The following ZNF385D variants were observed in gnomAD, a reference collection of about 807,000 sequenced individuals.
ZNF385D encodes zinc finger protein 659.
A neutral mutation model predicts 35.8 loss-of-function variants in ZNF385D; 15 were observed. The observed-to-expected ratio is 0.42, with a 90% confidence interval of 0.28 to 0.64. The LOEUF is 0.64. Among genes scored for constraint, ZNF385D ranks in the 30% least tolerant of loss-of-function variants. The pLI is 0.23. For missense variants in ZNF385D, 474 were observed against 494.6 expected (o/e 0.96, Z 0.39); for synonymous variants, 212 against 186.8 (o/e 1.13, Z -1.10).
In ZNF385D at chr3:21,917,141, TGGAA is replaced by T. The variant is rs1700227807; in HGVS notation, c.325+251672_325+251675del. Among the ~76,000 whole-genome samples the T allele has an allele frequency of 3.9e-5, 6 of 152,156 alleles. No homozygotes were observed. In the South Asian group the frequency reaches 1.2e-3, roughly 32 times the overall value. On this transcript the variant is annotated intron_variant, in intron 3 of 5. Coordinates refer to the ZNF385D transcript ENST00000494108. ...AAGATATTTTGGAGAAACAAAATCG[TGGAA>T]GTCTGGCCTGGTGCGGTGGCTCATG...
chr3:21,722,526 G>C (rs1253649663), intron 1 of ZNF385D, among the ~76,000 whole-genome samples: 1 of 152,204 alleles, frequency 6.6e-6, no homozygotes, highest in Non-Finnish European at 1.5e-5. Context: ...AGAGGAAGTT[G>C]CAAGTTGGTT....
chr3:21,583,570 A>C (rs2063726207), intron 2 of ZNF385D, among the ~76,000 whole-genome samples: 1 of 152,142 alleles, frequency 6.6e-6, no homozygotes, highest in Non-Finnish European at 1.5e-5. Context: ...TTAACATCAC[A>C]GCTCTAAATA....
At chr3:22,077,533 T>C (rs1559350990) in intron 3 of ZNF385D, among the ~76,000 whole-genome samples, 1 of 152,000 alleles carries the variant, frequency 6.6e-6, no homozygotes, top group Non-Finnish European at 1.5e-5. Flanking sequence ...TTCTTTTGTC[T>C]TAGCAAAGGC....
chr3:21,847,468 T>C (rs981119549), intron 3 of ZNF385D, among the ~76,000 whole-genome samples: 3 of 152,044 alleles, frequency 2.0e-5, no homozygotes, highest in African/African-American at 7.2e-5. Context: ...AATAGCAAAA[T>C]ATTCTAATGA....
In ZNF385D at chr3:21,421,246, C is replaced by A. The variant is rs757067821; in HGVS notation, c.1156G>T (p.Ala386Ser). The change falls in exon 8 of 8, where the codon GCC becomes TCC. Residue 386 changes from alanine (A) to serine (S), a missense_variant. Coordinates refer to ENST00000281523, the MANE Select transcript of ZNF385D (RefSeq NM_024697.3). ...LRPAPGPIRT[A>S]HTPVLFAPY ...GGAGCAAACAGCACAGGAGTGTGGG[C>A]GGTCCGAATGGGTCCAGGAGCTGGC... 10 of 1,613,904 alleles carry A rather than the reference C, an allele frequency of 6.2e-6. No individual in the cohort carries two copies. In the African/African-American group the frequency reaches 8.0e-5, roughly 13 times the overall value.
chr3:21,991,246 C>A (rs1184888975), intron 3 of ZNF385D, among the ~76,000 whole-genome samples: 2 of 152,126 alleles, frequency 1.3e-5, no homozygotes, highest in African/African-American at 4.8e-5. Flanking sequence ...AGCAGTTGTA[C>A]TTCTGGCAAA....
chr3:22,124,027 A>G (rs1703279217), intron 3 of ZNF385D, among the ~76,000 whole-genome samples: 1 of 144,338 alleles, frequency 6.9e-6, no homozygotes, highest in African/African-American at 2.6e-5. Flanking sequence ...AGCAACTGCT[A>G]GGTCTTATTC....
At chr3:21,696,959 A>C (rs2067492855) in intron 1 of ZNF385D, among the ~76,000 whole-genome samples, 1 of 152,238 alleles carries the variant, frequency 6.6e-6, no homozygotes, top group African/African-American at 2.4e-5. Flanking sequence ...AAAGAAAGGA[A>C]AACTACAAGA....
chr3:21,922,483 C>G (rs1813534), intron 3 of ZNF385D, among the ~76,000 whole-genome samples: 17,467 of 152,186 alleles, frequency 0.11, 1,342 homozygotes, highest in South Asian at 0.25. Flanking sequence ...GAAATAGAGT[C>G]ACACACGTAC....
Position 21,421,224 on chromosome 3 carries a change from G to A in ZNF385D, c.1178C>T (p.Ala393Val). ...ACTCCTATTTGGAATTTAGTAAGGA[G>A]CAAACAGCACAGGAGTGTGGGCGGT... ...IRTAHTPVLF[A>V]PY The change falls in exon 8 of 8, where the codon GCT becomes GTT. Residue 393 changes from alanine to valine, a missense_variant. By Grantham distance (64) the Ala-to-Val change is moderately conservative. Transcript: ENST00000281523. 1 of 1,613,906 alleles carries A rather than the reference G, an allele frequency of 6.2e-7. No homozygotes were observed. Among genetic ancestry groups the A allele is most frequent in the Non-Finnish European group, 8.5e-7 (1 of 1,179,920 alleles).
At chr3:22,072,880 T>C (rs1336788664) in intron 3 of ZNF385D, among the ~76,000 whole-genome samples, 1 of 152,046 alleles carries the variant, frequency 6.6e-6, no homozygotes, top group Admixed American at 6.6e-5. Flanking sequence ...CTTGTGCTGT[T>C]TGATTTGAAA....
intron 3 of ZNF385D, among the ~76,000 whole-genome samples, chr3:21,822,460 A>T (rs2125738580): frequency 6.6e-6 from 1 of 152,364 alleles, no homozygotes; most frequent in East Asian, 1.9e-4. Flanking sequence ...ATTGACAGGC[A>T]CGCATGATAC....
chr3:22,032,262 CATT>C (rs1364094310), intron 3 of ZNF385D, among the ~76,000 whole-genome samples: 1 of 152,176 alleles, frequency 6.6e-6, no homozygotes, highest in Non-Finnish European at 1.5e-5. Context: ...CACATTTTCA[CATT>C]ATCTTTATAC....
intron 3 of ZNF385D, among the ~76,000 whole-genome samples, chr3:21,873,127 GAA>G (rs1697783265): frequency 6.6e-6 from 1 of 152,068 alleles, no homozygotes; most frequent in African/African-American, 2.4e-5. Flanking sequence ...GAATGATAAA[GAA>G]TATATGTTAC....
intron 2 of ZNF385D, among the ~76,000 whole-genome samples, chr3:22,337,592 C>T (rs1274959336): frequency 1.3e-5 from 2 of 152,118 alleles, no homozygotes; most frequent in Non-Finnish European, 2.9e-5. Flanking sequence ...GGTATTAGAA[C>T]TCACCGAAAA....
rs138485316 is a variant in ZNF385D at position 21,993,855 on chromosome 3, C to G, written c.325+174962G>C. On this transcript the variant is annotated intron_variant, in intron 3 of 5. Transcript: ENST00000494108. The stretch of plus-strand genomic sequence containing the variant: ...TGTTTCTGCCATGGTTATACCACAG[C>G]TGAAAAATGAGTAACATCTCCTTTT... 5.4e-3 allele frequency among the ~76,000 whole-genome samples: 825 copies of G among 152,224 alleles called. 9 individuals are homozygous for G. The highest frequency in any genetic ancestry group is 0.019 in the African/African-American group (790 of 41,536).
intron 1 of ZNF385D, among the ~76,000 whole-genome samples, chr3:21,723,152 A>G (rs1311455266): frequency 6.6e-6 from 1 of 152,226 alleles, no homozygotes; most frequent in African/African-American, 2.4e-5. Flanking sequence ...AAAGGTCACC[A>G]ACATCAAAGA....
chr3:22,298,871 T>A (rs1702749845), intron 2 of ZNF385D, among the ~76,000 whole-genome samples: 1 of 151,942 alleles, frequency 6.6e-6, no homozygotes, highest in Non-Finnish European at 1.5e-5. Context: ...CTCTTTTATT[T>A]TCTCACCAAA....
intron 3 of ZNF385D, among the ~76,000 whole-genome samples, chr3:22,160,089 C>G (rs1705849679): frequency 6.6e-6 from 1 of 151,966 alleles, no homozygotes; most frequent in Admixed American, 6.6e-5. Flanking sequence ...GAAGAAGGTG[C>G]CTTGCTTCTC....
Sources: gnomAD v4.1 joint callset for allele counts (sites outside exome capture counted in the v4.1 genomes callset) on GRCh38, gnomAD v4.1.1 for gene constraint, MANE v1.5 for transcripts, NCBI Gene and HGNC (gene_info 2026-07-23, HGNC 2026-07-21) for gene names.